RBFOX3: variants seen among roughly 807,000 people sequenced by gnomAD.
The protein encoded by RBFOX3 is RNA binding protein fox-1 homolog 3.
A neutral mutation model predicts 48.7 loss-of-function variants in RBFOX3; 17 were observed. The ratio of observed to expected loss-of-function variants is 0.35; its 90% CI spans 0.24 to 0.52. RBFOX3 has a LOEUF of 0.52. Ranked by LOEUF, RBFOX3 falls within the 20% of genes least tolerant of loss-of-function variation. RBFOX3 has a pLI of 0.94. For synonymous variants in RBFOX3, 212 were observed against 209.5 expected (o/e 1.01, Z -0.10); for missense variants, 382 against 497.5 (o/e 0.77, Z 2.21).
intron 2 of RBFOX3, among the ~76,000 whole-genome samples, chr17:79,314,239 G>A (rs141055595): frequency 2.3e-3 from 345 of 152,324 alleles, no homozygotes; most frequent in African/African-American, 8.0e-3. Flanking sequence ...AGGAGCTGGG[G>A]TAACCATGGC....
chr17:79,100,738 T>G (rs1003895611), intron 9 of RBFOX3, among the ~76,000 whole-genome samples: 1 of 152,200 alleles, frequency 6.6e-6, no homozygotes, highest in Non-Finnish European at 1.5e-5. Context: ...GCCCCCAACG[T>G]ACGCCTGCTC....
At chr17:79,233,106 T>C (rs935099946) in intron 4 of RBFOX3, among the ~76,000 whole-genome samples, 15 of 152,238 alleles carry the variant, frequency 9.9e-5, no homozygotes, top group African/African-American at 3.6e-4. Context: ...CCAAATGTCC[T>C]TCAAGGAATG....
chr17:79,612,081 G>A (rs2093973904), upstream of RBFOX3, among the ~76,000 whole-genome samples: 3 of 152,172 alleles, frequency 2.0e-5, no homozygotes, highest in South Asian at 6.2e-4. Context: ...CTATTGCTGG[G>A]GTCAGCCCAC....
the RBFOX3 span, among the ~76,000 whole-genome samples, chr17:79,629,247 T>C: frequency 6.6e-6 from 1 of 152,072 alleles, no homozygotes; most frequent in African/African-American, 2.4e-5. Flanking sequence ...AATATTGTCC[T>C]CCAAATTTCA....
Position 79,147,294 on chromosome 17 carries a change from G to C in RBFOX3, c.-33-31546C>G, listed in dbSNP as rs76828447. On this transcript the variant is annotated intron_variant, in intron 4 of 14. Coordinates refer to ENST00000693108, the MANE Select transcript of RBFOX3 (RefSeq NM_001350451.2). ...GCCCACCTCTGCAGGTGGCCGGGAG[G>C]ACAGCTTCAGTTCACCAGCCCTACG... Among the ~76,000 whole-genome samples the C allele has an allele frequency of 3.5e-3, 536 of 152,356 alleles. 9 individuals carry two copies. In the East Asian group the frequency reaches 0.037, roughly 11 times the overall value.
chr17:79,317,737 TA>T (rs2077734273), intron 2 of RBFOX3, among the ~76,000 whole-genome samples: 1 of 152,118 alleles, frequency 6.6e-6, no homozygotes, highest in Non-Finnish European at 1.5e-5. Context: ...AGGCACTTGT[TA>T]TGTAAGAATC....
chr17:79,554,114 C>T (rs1339996963), intron 1 of RBFOX3, among the ~76,000 whole-genome samples: 5 of 152,278 alleles, frequency 3.3e-5, no homozygotes, highest in South Asian at 4.2e-4. Context: ...ATTTACTAGT[C>T]CCATTTTTCT....
chr17:79,165,064 G>A (rs1408121571), intron 4 of RBFOX3, among the ~76,000 whole-genome samples: 10 of 152,114 alleles, frequency 6.6e-5, no homozygotes, highest in East Asian at 1.9e-4. Flanking sequence ...AAAAGCAGCC[G>A]GGCCACACCT....
At chr17:79,275,174 CCCTCCCCTGGCCTCATGCT>C (rs1022254716) in intron 3 of RBFOX3, among the ~76,000 whole-genome samples, 1 of 150,552 alleles carries the variant, frequency 6.6e-6, no homozygotes, top group African/African-American at 2.4e-5. Flanking sequence ...ATCTCTCTCC[CCCTCCCCTGGCCTCATGCT>C]CCTCCCCTGG....
At chr17:79,182,464 C>T (rs1324663235) in intron 4 of RBFOX3, among the ~76,000 whole-genome samples, 2 of 152,186 alleles carry the variant, frequency 1.3e-5, no homozygotes, top group Non-Finnish European at 2.9e-5. Flanking sequence ...GAGTCCCCCT[C>T]TGTCCCCAGT....
At chr17:79,428,287 GAGGGCAGGTGCCATGGGGGAGCTCGC>G (rs1387217544) in intron 2 of RBFOX3, among the ~76,000 whole-genome samples, 1 of 152,204 alleles carries the variant, frequency 6.6e-6, no homozygotes, top group Admixed American at 6.5e-5. Context: ...GGAGGTGAGG[GAGGGCAGGTGCCATGGGGGAGCTCGC>G]GGGGCAGGAC....
intron 1 of RBFOX3, among the ~76,000 whole-genome samples, chr17:79,561,488 C>T (rs980264628): frequency 2.8e-4 from 42 of 152,276 alleles, no homozygotes; most frequent in African/African-American, 8.2e-4. Context: ...ACTCAGGAGT[C>T]CCCAGAGACA....
At chr17:79,208,011 G>A (rs1269403125) in intron 4 of RBFOX3, among the ~76,000 whole-genome samples, 1 of 152,172 alleles carries the variant, frequency 6.6e-6, no homozygotes, top group Non-Finnish European at 1.5e-5. Context: ...TGGGTGAAAG[G>A]TGGCCCTTCT....
intron 4 of RBFOX3, chr17:79,183,541 C>T (rs2052674746): frequency 6.6e-6 from 1 of 152,286 alleles, no homozygotes; most frequent in East Asian, 1.9e-4. Flanking sequence ...AGCGGCGCGC[C>T]TCTGCCCGGT....
chr17:79,495,612 G>A (rs1233702813), intron 1 of RBFOX3, among the ~76,000 whole-genome samples: 1 of 66,924 alleles, frequency 1.5e-5, no homozygotes, highest in African/African-American at 5.7e-5. Flanking sequence ...AGAGGGTGGG[G>A]AGGTGGGGGA....
chr17:79,150,047 A>AGGGTGGGGGGTGGGGGTGGGGGG (rs1376920716), intron 4 of RBFOX3, among the ~76,000 whole-genome samples: 3 of 1,084 alleles, frequency 2.8e-3, no homozygotes, highest in South Asian at 0.056. Context: ...GGGGTGGGGG[A>AGGGTGGGGGGTGGGGGTGGGGGG]TGGGGATGGG....
At chr17:79,544,200 G>A (rs1054169754) in intron 1 of RBFOX3, among the ~76,000 whole-genome samples, 14 of 152,274 alleles carry the variant, frequency 9.2e-5, no homozygotes, top group Middle Eastern at 3.4e-3. Flanking sequence ...GACACTGGCC[G>A]GTCACTGTCT....
At chr17:79,298,995 G>A (rs911203389) in intron 3 of RBFOX3, among the ~76,000 whole-genome samples, 1 of 152,204 alleles carries the variant, frequency 6.6e-6, no homozygotes, top group African/African-American at 2.4e-5. Flanking sequence ...ATGCAAGGCT[G>A]GGAGGCGGGA....
chr17:79,198,321 C>T lies in RBFOX3; in HGVS notation c.-34+37445G>A, dbSNP rs543393215. 3.4e-4 allele frequency among the ~76,000 whole-genome samples: 51 copies of T among 152,214 alleles called. No homozygotes were observed. The highest frequency in any genetic ancestry group is 6.6e-4 in the Non-Finnish European group (45 of 68,036). On this transcript the variant is annotated intron_variant, in intron 4 of 14. Coordinates refer to ENST00000693108, the MANE Select transcript of RBFOX3 (RefSeq NM_001350451.2). The surrounding 1 kb of genome is among the most constrained non-coding windows in gnomAD (Gnocchi z 8.2). ...TGAGGCGACCTTGCAGGCACAGGTGCGGACAGGAAGGAGAGCCTGCACCTG... is the reference window on the plus strand; with the variant it reads ...TGAGGCGACCTTGCAGGCACAGGTGTGGACAGGAAGGAGAGCCTGCACCTG...
Sources: gnomAD v4.1 joint callset for allele counts (sites outside exome capture counted in the v4.1 genomes callset) on GRCh38, gnomAD v4.1.1 for gene constraint, Gnocchi (gnomAD v3.1) non-coding constraint, MANE v1.5 for transcripts, NCBI Gene and HGNC (gene_info 2026-07-23, HGNC 2026-07-21) for gene names.